The following PRELID2 variants were observed in gnomAD, a reference collection of about 807,000 sequenced individuals.
The protein encoded by PRELID2 is PRELI domain-containing protein 2.
In PRELID2, 25 loss-of-function variants were observed where a neutral mutation model predicts 28.4. That is an observed-to-expected ratio of 0.88 (90% CI 0.64 to 1.23). The LOEUF (loss-of-function observed/expected upper bound fraction) is 1.23, where lower values mean the gene tolerates loss of function less well. Ranked by LOEUF, PRELID2 falls within the 50% of genes most tolerant of loss-of-function variation. The pLI is 0.00. For missense variants in PRELID2, 201 were observed against 214.4 expected, an observed-to-expected ratio of 0.94 and a Z score of 0.39; for synonymous variants, 76 against 71.6, an observed-to-expected ratio of 1.06 and a Z score of -0.31.
chr5:145,605,204 T>C (rs989335301), intron 1 of PRELID2, among the ~76,000 whole-genome samples: 1 of 152,040 alleles, frequency 6.6e-6, no homozygotes, highest in Non-Finnish European at 1.5e-5. Context: ...ATTTTTGTAT[T>C]TGTTGCTCTT....
intron 1 of PRELID2, among the ~76,000 whole-genome samples, chr5:145,556,177 C>CAAAAA (rs1231402100): frequency 3.6e-3 from 207 of 58,166 alleles, no homozygotes; most frequent in Non-Finnish European, 4.9e-3. Context: ...GACTCTATCT[C>CAAAAA]AAAAAAAAAA....
intron 4 of PRELID2, among the ~76,000 whole-genome samples, chr5:145,798,526 T>C (rs1752914258): frequency 6.6e-6 from 1 of 152,214 alleles, no homozygotes; most frequent in Non-Finnish European, 1.5e-5. Flanking sequence ...TTACTGGGTA[T>C]ATACCCAAAG....
rs936650275 is a variant in PRELID2 at position 145,613,438 on chromosome 5, TC to T, written n.71-140124del. ...TAGGTATATCTCCTAATGCTATCCC[TC>T]CCCCCTCCCCCCACCCCACAACAGG... On this transcript the variant is annotated intron_variant and non_coding_transcript_variant, in intron 1 of 2. Coordinates refer to the PRELID2 transcript ENST00000510259. Among the ~76,000 whole-genome samples the T allele has an allele frequency of 6.6e-4, 48 of 73,272 alleles. No individual in the cohort carries two copies. In the East Asian group the frequency reaches 0.021, roughly 31 times the overall value. The allele number at this position is 73,272 out of a possible 152,430, so 48.1% of individuals were successfully genotyped here.
At chr5:145,324,599 C>G in the PRELID2 span, among the ~76,000 whole-genome samples, 1 of 152,148 alleles carries the variant, frequency 6.6e-6, no homozygotes, top group African/African-American at 2.4e-5. Flanking sequence ...ACTATGTACA[C>G]TAAAAGAACA....
chr5:145,804,277 G>A (rs1428889717), intron 4 of PRELID2, among the ~76,000 whole-genome samples: 1 of 152,152 alleles, frequency 6.6e-6, no homozygotes, highest in African/African-American at 2.4e-5. Context: ...TTGGGAGGCT[G>A]AGGCAGGCAT....
chr5:145,437,336 T>G, the PRELID2 span: 1 of 152,158 alleles, frequency 6.6e-6, no homozygotes, highest in Non-Finnish European at 1.5e-5. Flanking sequence ...AAAGAAATAA[T>G]CCTGTTATTG....
intron 5 of PRELID2, among the ~76,000 whole-genome samples, chr5:145,767,660 C>T (rs1198222742): frequency 1.3e-5 from 2 of 152,158 alleles, no homozygotes; most frequent in Non-Finnish European, 2.9e-5. Context: ...TCTGCATCTG[C>T]TCACCTGTGT....
At chr5:145,809,123 G>T (rs148941530) in intron 4 of PRELID2, among the ~76,000 whole-genome samples, 1 of 139,594 alleles carries the variant, frequency 7.2e-6, no homozygotes, top group East Asian at 2.2e-4. Flanking sequence ...TGTAATCTCC[G>T]CCTCCCAGGC....
intron 1 of PRELID2, among the ~76,000 whole-genome samples, chr5:145,599,165 G>C (rs76247334): frequency 0.027 from 4,081 of 152,264 alleles, 187 homozygotes; most frequent in African/African-American, 0.092. Flanking sequence ...CACCTTAGTA[G>C]TAAGTATTTA....
the PRELID2 span, among the ~76,000 whole-genome samples, chr5:145,242,889 C>T: frequency 2.6e-5 from 4 of 151,882 alleles, no homozygotes; most frequent in African/African-American, 9.7e-5. Flanking sequence ...ATGATTTAAC[C>T]ACCATATGTG....
In PRELID2 at chr5:145,557,204, G is replaced by T. The variant is rs527348971; in HGVS notation, n.71-83889C>A. 1.3e-4 allele frequency among the ~76,000 whole-genome samples: 20 copies of T among 152,302 alleles called. 1 individual carries two copies. The highest frequency in any genetic ancestry group is 4.1e-4 in the South Asian group (2 of 4,822). ...TGGTAAGAAAACAATCAGAAACAGT[G>T]CTTGACAACCAAATTTTTATTAACC... On this transcript the variant is annotated intron_variant and non_coding_transcript_variant, in intron 1 of 2. Transcript: ENST00000510259.
the PRELID2 span, among the ~76,000 whole-genome samples, chr5:145,431,263 T>C: frequency 2.0e-5 from 3 of 152,096 alleles, no homozygotes; most frequent in Non-Finnish European, 4.4e-5. Flanking sequence ...TAAGTAGTAA[T>C]GTTCTAGAAA....
the PRELID2 span, among the ~76,000 whole-genome samples, chr5:145,259,203 TGGAGAA>T: frequency 6.6e-6 from 1 of 152,200 alleles, no homozygotes; most frequent in Admixed American, 6.5e-5. Flanking sequence ...AGAGCCCTCA[TGGAGAA>T]CCTCTACTAG....
chr5:145,497,397 T>C (rs1006142304), intron 1 of PRELID2, among the ~76,000 whole-genome samples: 4 of 143,806 alleles, frequency 2.8e-5, no homozygotes, highest in African/African-American at 5.0e-5. Context: ...ATCTCTTCCC[T>C]TTTCTGTATC....
intron 1 of PRELID2, among the ~76,000 whole-genome samples, chr5:145,644,908 A>T (rs1435565779): frequency 3.9e-5 from 6 of 152,098 alleles, no homozygotes. Context: ...GTTCTTTTGC[A>T]TTTGCTGAGG....
At chr5:145,374,714 C>T in the PRELID2 span, among the ~76,000 whole-genome samples, 1 of 152,024 alleles carries the variant, frequency 6.6e-6, no homozygotes, top group Admixed American at 6.6e-5. Context: ...TGTCTGCATG[C>T]CTTATTTCAG....
chr5:145,656,451 A>G (rs1474820266), intron 1 of PRELID2, among the ~76,000 whole-genome samples: 1 of 152,160 alleles, frequency 6.6e-6, no homozygotes, highest in Non-Finnish European at 1.5e-5. Flanking sequence ...ACCCATGCAC[A>G]TGTATGTTCA....
rs1447390671 is a variant in PRELID2 at position 145,549,942 on chromosome 5, C to T, written n.71-76627G>A. Among the ~76,000 whole-genome samples the T allele has an allele frequency of 2.6e-5, 4 of 152,130 alleles. No individual in the cohort carries two copies. In the East Asian group the frequency reaches 7.7e-4, roughly 29 times the overall value. On this transcript the variant is annotated intron_variant and non_coding_transcript_variant, in intron 1 of 2. Coordinates refer to the PRELID2 transcript ENST00000510259. ...AAAAGATGAAATTGTTTCCTTCCTT[C>T]TTTCTTTCCTTTCAATTCAGTTGGA...
the PRELID2 span, among the ~76,000 whole-genome samples, chr5:145,292,038 G>C: frequency 6.6e-6 from 1 of 151,910 alleles, no homozygotes; most frequent in African/African-American, 2.4e-5. Context: ...TGCAACAGCA[G>C]ATTTTATTAC....
Sources: gnomAD v4.1 joint callset for allele counts (sites outside exome capture counted in the v4.1 genomes callset) on GRCh38, gnomAD v4.1.1 for gene constraint, MANE v1.5 for transcripts, NCBI Gene and HGNC (gene_info 2026-07-23, HGNC 2026-07-21) for gene names.